PCDH15: variants seen among roughly 807,000 people sequenced by gnomAD.
PCDH15 encodes protocadherin related 15.
A neutral mutation model predicts 178.5 loss-of-function variants in PCDH15; 129 were observed. The ratio of observed to expected loss-of-function variants is 0.72; its 90% CI spans 0.63 to 0.84. The LOEUF is 0.84. PCDH15 is among the 40% of genes least tolerant of loss of function. PCDH15 has a pLI of 0.00. For synonymous variants in PCDH15, 800 were observed against 732.0 expected, an observed-to-expected ratio of 1.09 and a Z score of -1.50; for missense variants, 2,230 against 2,099.9, an observed-to-expected ratio of 1.06 and a Z score of -1.21.
At chr10:54,495,185 T>C (rs760402545) in intron 3 of PCDH15, among the ~76,000 whole-genome samples, 8 of 152,136 alleles carry the variant, frequency 5.3e-5, no homozygotes, top group Non-Finnish European at 1.2e-4. Flanking sequence ...TATGTTCTAA[T>C]GTAATTTCTA....
At chr10:55,436,091 T>C (rs1839032819) in intron 2 of PCDH15, among the ~76,000 whole-genome samples, 1 of 152,108 alleles carries the variant, frequency 6.6e-6, no homozygotes, top group Non-Finnish European at 1.5e-5. Context: ...TTTAACCCTA[T>C]GCTGAAAATT....
intron 17 of PCDH15, among the ~76,000 whole-genome samples, chr10:54,078,960 T>TA (rs996423646): frequency 6.6e-6 from 1 of 152,060 alleles, no homozygotes; most frequent in African/African-American, 2.4e-5. Context: ...CCCTGACCCT[T>TA]AAAAAAATGA....
chr10:53,845,401 A>G (rs937735441), intron 28 of PCDH15, among the ~76,000 whole-genome samples: 2 of 151,860 alleles, frequency 1.3e-5, no homozygotes, highest in Non-Finnish European at 2.9e-5. Context: ...AAGAAAATCA[A>G]TATATTGAAG....
At chr10:54,845,335 G>T (rs1342585389) in intron 3 of PCDH15, among the ~76,000 whole-genome samples, 2 of 151,970 alleles carry the variant, frequency 1.3e-5, no homozygotes, top group Non-Finnish European at 2.9e-5. Context: ...CTTCACAAAA[G>T]ACTTTGGTTG....
At chr10:54,383,252 CTA>C (rs1330407846) in intron 3 of PCDH15, among the ~76,000 whole-genome samples, 2 of 151,280 alleles carry the variant, frequency 1.3e-5, no homozygotes, top group Admixed American at 1.3e-4. Context: ...AAAAAAAAGA[CTA>C]TGTATGCATA....
At chr10:54,256,307 T>A (rs1259321306) in intron 8 of PCDH15, among the ~76,000 whole-genome samples, 1 of 152,164 alleles carries the variant, frequency 6.6e-6, no homozygotes, top group African/African-American at 2.4e-5. Context: ...ACAAAGCAAC[T>A]AATAAATAAG....
chr10:53,914,370 T>C (rs1439827793), intron 25 of PCDH15, among the ~76,000 whole-genome samples: 6 of 152,092 alleles, frequency 3.9e-5, no homozygotes, highest in Admixed American at 1.3e-4. Flanking sequence ...CACCCAAATG[T>C]CCATCAATGA....
At chr10:54,228,865 C>A (rs1321772350) in intron 9 of PCDH15, among the ~76,000 whole-genome samples, 1 of 152,088 alleles carries the variant, frequency 6.6e-6, no homozygotes, top group Non-Finnish European at 1.5e-5. Flanking sequence ...AATGTTTTAC[C>A]AGCTCTTTCT....
At position 54,066,883 on chromosome 10, in the gene PCDH15, G is replaced by A; in HGVS notation, c.2094C>T (p.Thr698=). 6.2e-7 allele frequency: 1 copy of A among 1,612,640 alleles called. No homozygotes were observed. Among genetic ancestry groups the A allele is most frequent in the Non-Finnish European group, 8.5e-7 (1 of 1,179,132 alleles). The part of the protein sequence containing the change: ...ITASDGRPDG[T]STATVNIVVT... ...CCACTATGTTTACTGTGGCAGTTGAGGTCTTAAAGAAAAACACAAGCATTA... is the reference window on the plus strand; with the variant it reads ...CCACTATGTTTACTGTGGCAGTTGAAGTCTTAAAGAAAAACACAAGCATTA... The change falls in exon 18 of 38, where the codon ACC becomes ACT. Residue 698 remains threonine (T), a splice_region_variant and synonymous_variant. Coordinates refer to ENST00000644397, the MANE Select transcript of PCDH15 (RefSeq NM_001384140.1).
intron 2 of PCDH15, among the ~76,000 whole-genome samples, chr10:55,335,313 A>G (rs1405876236): frequency 6.6e-6 from 1 of 152,212 alleles, no homozygotes; most frequent in Non-Finnish European, 1.5e-5. Flanking sequence ...TCTGGAGAAT[A>G]AGAGAGGAAC....
At chr10:54,989,735 G>GGGGGAATGTT (rs1228291228) in intron 2 of PCDH15, among the ~76,000 whole-genome samples, 1 of 152,266 alleles carries the variant, frequency 6.6e-6, no homozygotes, top group Non-Finnish European at 1.5e-5. Context: ...TTATAACTTT[G>GGGGGAATGTT]GGGGAATGTT....
chr10:55,365,913 T>G (rs1032184650), intron 2 of PCDH15, among the ~76,000 whole-genome samples: 3 of 152,134 alleles, frequency 2.0e-5, no homozygotes, highest in Non-Finnish European at 2.9e-5. Flanking sequence ...ATCCTATCAG[T>G]AGTTCCCTTT....
At chr10:54,664,909 T>TA (rs759609948) in intron 1 of PCDH15, among the ~76,000 whole-genome samples, 3,584 of 126,302 alleles carry the variant, frequency 0.028, 99 homozygotes, top group African/African-American at 0.075. Flanking sequence ...CCCAGCAAGT[T>TA]AAAAAAAAAA....
chr10:54,418,004 C>T (rs1954701825), intron 3 of PCDH15, among the ~76,000 whole-genome samples: 1 of 152,156 alleles, frequency 6.6e-6, no homozygotes. Flanking sequence ...CTTCAAACTA[C>T]TGGCCCGAAA....
At chr10:54,636,324 C>T (rs900864814) in intron 2 of PCDH15, among the ~76,000 whole-genome samples, 6 of 151,904 alleles carry the variant, frequency 3.9e-5, no homozygotes, top group Non-Finnish European at 8.8e-5. Context: ...ATCTGCATGT[C>T]TCTATTCTCC....
At chr10:54,804,957 T>G (rs1177894373), upstream of PCDH15, among the ~76,000 whole-genome samples, 1 of 16,172 alleles carries the variant, frequency 6.2e-5, no homozygotes, top group Non-Finnish European at 1.5e-4. Context: ...ATACAGAGTT[T>G]GCTACAGTGC....
chr10:55,098,409 G>C (rs1008163008), intron 2 of PCDH15, among the ~76,000 whole-genome samples: 1 of 152,110 alleles, frequency 6.6e-6, no homozygotes, highest in Non-Finnish European at 1.5e-5. Flanking sequence ...TTAATGAAAA[G>C]CAGCCCCCAA....
chr10:54,251,385 C>A (rs1337321303), intron 8 of PCDH15, among the ~76,000 whole-genome samples: 1 of 152,096 alleles, frequency 6.6e-6, no homozygotes, highest in African/African-American at 2.4e-5. Context: ...CTTACAGTAT[C>A]TTTGTTATTG....
chr10:54,053,699 T>A (rs1050158332), intron 18 of PCDH15, among the ~76,000 whole-genome samples: 1 of 152,180 alleles, frequency 6.6e-6, no homozygotes, highest in Non-Finnish European at 1.5e-5. Flanking sequence ...TGGCTAGAGA[T>A]AAAGTTGTCA....
Sources: allele counts gnomAD v4.1 joint callset (sites outside exome capture counted in the v4.1 genomes callset), GRCh38; gene constraint gnomAD v4.1.1; transcripts MANE v1.5; gene names NCBI Gene and HGNC (gene_info 2026-07-23, HGNC 2026-07-21).